The following CCT6A variants were observed in gnomAD, a reference collection of about 807,000 sequenced individuals.
CCT6A encodes the protein chaperonin containing TCP1 subunit 6A, also known as T-complex protein 1 subunit zeta.
Under a neutral mutation model 58.6 loss-of-function variants are expected in CCT6A, and 6 were observed. That is an observed-to-expected ratio of 0.10 (90% CI 0.06 to 0.20). CCT6A has a LOEUF of 0.20. Among genes scored for constraint, CCT6A ranks in the 10% least tolerant of loss-of-function variants. The pLI is 1.00. For missense variants in CCT6A, 516 were observed against 648.8 expected (o/e 0.80, Z 2.22); for synonymous variants, 245 against 227.8 (o/e 1.08, Z -0.68).
At position 56,062,492 on chromosome 7, in the gene CCT6A, T is replaced by C. The variant is rs754376093; in HGVS notation, c.1451-191T>C. The C allele has an allele frequency of 1.1e-5, 7 of 627,718 alleles. No individual in the cohort carries two copies. The African/African-American group carries it at 1.3e-4, about 11-fold the overall frequency. 38.9% of individuals were successfully genotyped at this position (627,718 alleles called of 1,614,324 possible). A position where few individuals can be genotyped will look rare whatever the true frequency, so the allele number is the denominator to read the frequency against. On this transcript the variant is annotated intron_variant, in intron 12 of 13. Transcript: ENST00000275603. The stretch of plus-strand genomic sequence containing the variant: ...GAGAGGGGTGTTCAGGACTTCTAAG[T>C]ATAAGTCAGACATTCATCAAATATT...
At chr7:56,052,800 T>C (rs1562847072) in intron 2 of CCT6A, among the ~76,000 whole-genome samples, 6 of 150,096 alleles carry the variant, frequency 4.0e-5, no homozygotes, top group African/African-American at 1.5e-4. Flanking sequence ...TTTCTTTTTT[T>C]TTTTTTTTAA....
At chr7:56,061,689 TTTTTTA>T in intron 11 of CCT6A, 52 bp from the exon 12 acceptor site, 3 of 522,464 alleles carry the variant, frequency 5.7e-6, no homozygotes, top group Non-Finnish European at 6.6e-6. Context: ...TTTTTTTTTT[TTTTTTA>T]CTATCAGTTA....
At position 56,060,429 on chromosome 7, in the gene CCT6A, C is replaced by T. The variant is rs765242053; in HGVS notation, c.1213+13C>T. On this transcript the variant is annotated intron_variant, in intron 10 of 13. Transcript: ENST00000275603. ...GCTATTGATGATGGTAAGATCCTCA[C>T]TGTATTTCAATTCTTTTATATTGTT... is the stretch of plus-strand genomic sequence containing the variant. 2 of 1,612,426 alleles carry T rather than the reference C, an allele frequency of 1.2e-6. No homozygotes were observed. Among genetic ancestry groups the T allele is most frequent in the East Asian group, 2.2e-5 (1 of 44,860 alleles).
intron 11 of CCT6A, 79 bp from the exon 12 acceptor site, chr7:56,061,668 C>CTTTTTTTTTTTTT (rs71015174): frequency 2.3e-3 from 714 of 312,466 alleles, no homozygotes; most frequent in African/African-American, 7.5e-3. Flanking sequence ...TTTCTTTTTT[C>CTTTTTTTTTTTTT]TTTTTTTTTT....
intron 5 of CCT6A, among the ~76,000 whole-genome samples, chr7:56,057,322 CAA>C (rs1794330077): frequency 6.6e-6 from 1 of 151,702 alleles, no homozygotes; most frequent in Non-Finnish European, 1.5e-5. Flanking sequence ...ATATTTTTTT[CAA>C]AGAGTTAGTT....
intron 6 of CCT6A, 103 bp downstream of exon 6, chr7:56,058,206 A>T: frequency 1.1e-6 from 1 of 898,624 alleles, no homozygotes; most frequent in Non-Finnish European, 1.8e-6. Flanking sequence ...AATAATGCTC[A>T]AATTGGTTTG....
In CCT6A at chr7:56,055,743, C is replaced by T. The variant is rs1359690211; in HGVS notation, c.456C>T (p.Ala152=). ...ACAGGGAAACACTTATAGATGTGGC[C>T]AGAACATCTCTTCGTACTAAAGTTC... The part of the protein sequence containing the change: ...EMDRETLIDV[A]RTSLRTKVHA... Residue 152 remains alanine, a synonymous_variant, in exon 4 of 14, where the codon GCC becomes GCT. Coordinates refer to ENST00000275603, the MANE Select transcript of CCT6A (RefSeq NM_001762.4). 6.2e-7 allele frequency: 1 copy of T among 1,613,608 alleles called. No homozygotes were observed. The highest frequency in any genetic ancestry group is 8.5e-7 in the Non-Finnish European group (1 of 1,179,610).
At chr7:56,052,374 T>A in intron 1 of CCT6A, 48 bp from the exon 2 acceptor site, 1 of 1,540,268 alleles carries the variant, frequency 6.5e-7, no homozygotes, top group Non-Finnish European at 9.0e-7. Context: ...GGACTTTTAG[T>A]TATCGTTGAA....
chr7:56,052,577 A>G, intron 2 of CCT6A, 92 bp downstream of exon 2: 1 of 1,102,936 alleles, frequency 9.1e-7, no homozygotes, highest in East Asian at 2.4e-5. Flanking sequence ...TTTTCAAGGT[A>G]GGAGAACATT....
chr7:56,056,149 C>T (rs1397688731), intron 4 of CCT6A, among the ~76,000 whole-genome samples, 162 bp from the exon 5 acceptor site: 17 of 152,284 alleles, frequency 1.1e-4, no homozygotes, highest in South Asian at 2.1e-4. Flanking sequence ...TAAATGACTT[C>T]AGCTGTTGCC....
At chr7:56,060,735 A>C in intron 10 of CCT6A, 72 bp from the exon 11 acceptor site, 3 of 1,501,894 alleles carry the variant, frequency 2.0e-6, no homozygotes, top group Non-Finnish European at 2.7e-6. Flanking sequence ...AATGGCTTTC[A>C]TATGTATATT....
At position 56,052,316 on chromosome 7, in the gene CCT6A, C is replaced by T. The variant is rs557995067; in HGVS notation, c.138-106C>T. On this transcript the variant is annotated intron_variant, in intron 1 of 13. Coordinates refer to ENST00000275603, the MANE Select transcript of CCT6A (RefSeq NM_001762.4). The stretch of plus-strand genomic sequence containing the variant: ...CTCCATCCTGCTGGACATAACTAGC[C>T]CCACATCCCTGGCTCCCTAAAATCT... The T allele has an allele frequency of 9.1e-5, 88 of 965,296 alleles. No homozygotes were observed. The South Asian group carries it at 9.4e-4, about 10-fold the overall frequency. The allele number at this position is 965,296 out of a possible 1,614,324, so 59.8% of individuals were successfully genotyped here.
intron 9 of CCT6A, 82 bp from the exon 10 acceptor site, chr7:56,060,187 C>T (rs1365280461): frequency 4.2e-6 from 5 of 1,200,564 alleles, no homozygotes; most frequent in African/African-American, 1.5e-5. Context: ...TAATATGCTA[C>T]TTGTCATTCT....
intron 9 of CCT6A, 145 bp from the exon 10 acceptor site, chr7:56,060,124 T>G: frequency 3.1e-6 from 2 of 648,578 alleles, no homozygotes; most frequent in Non-Finnish European, 5.3e-6. Flanking sequence ...TTCTTTTATG[T>G]GATTTTTCAA....
intron 3 of CCT6A, among the ~76,000 whole-genome samples, chr7:56,054,964 T>A (rs181881570): frequency 3.3e-4 from 50 of 152,246 alleles, no homozygotes; most frequent in South Asian, 8.3e-4. Flanking sequence ...TGAGTTAGTT[T>A]GAGATTACCT....
At position 56,055,806 on chromosome 7, in the gene CCT6A, T is replaced by G. The variant is rs371873192; in HGVS notation, c.510+9T>G. Reference sequence around the variant, plus strand: ...CAGATGTCTTAACAGAGGTATGTATTAAATTTTGTCTATGTCTGGTATAGT... The same window carrying G: ...CAGATGTCTTAACAGAGGTATGTATGAAATTTTGTCTATGTCTGGTATAGT... On this transcript the variant is annotated intron_variant, in intron 4 of 13. Transcript: ENST00000275603. 5 of 1,607,198 alleles carry G rather than the reference T, an allele frequency of 3.1e-6. No homozygotes were observed. The African/African-American group carries it at 4.0e-5, about 13-fold the overall frequency.
chr7:56,061,726 A>AATTAAATT lies in CCT6A; in HGVS notation c.1348-20_1348-13dup, dbSNP rs573994687. ...AGTTATTAGTTCCTGTTTTCTCAAG[A>AATTAAATT]ATTAAATTTGTTTACTTTAGGTTCT... is the stretch of plus-strand genomic sequence containing the variant. On this transcript the variant is annotated intron_variant, in intron 11 of 13. Coordinates refer to ENST00000275603, the MANE Select transcript of CCT6A (RefSeq NM_001762.4). 111 of 1,061,854 alleles carry AATTAAATT rather than the reference A, an allele frequency of 1.0e-4. No individual in the cohort carries two copies. In the African/African-American group the frequency reaches 1.9e-3, roughly 18 times the overall value. The allele number at this position is 1,061,854 out of a possible 1,614,324, so 65.8% of individuals were successfully genotyped here. A position where few individuals can be genotyped will look rare whatever the true frequency, so the allele number is the denominator to read the frequency against.
intron 2 of CCT6A, among the ~76,000 whole-genome samples, chr7:56,054,045 C>G (rs1293682273): frequency 2.8e-5 from 4 of 141,656 alleles, no homozygotes; most frequent in Admixed American, 2.8e-4. Flanking sequence ...CTCACTAGAG[C>G]TCTACACTTG....
At chr7:56,052,029 C>A in intron 1 of CCT6A, 44 bp downstream of exon 1, 1 of 1,392,070 alleles carries the variant, frequency 7.2e-7, no homozygotes, top group Non-Finnish European at 9.3e-7. Flanking sequence ...CACCGCGCGC[C>A]GCCGCGCTCC....
Sources: allele counts gnomAD v4.1 joint callset (sites outside exome capture counted in the v4.1 genomes callset), GRCh38; gene constraint gnomAD v4.1.1; transcripts MANE v1.5; gene names NCBI Gene and HGNC (gene_info 2026-07-23, HGNC 2026-07-21).